Variants in PKP4 observed in about 807,000 individuals in gnomAD.
PKP4 encodes the protein plakophilin-4.
Under a neutral mutation model 145.1 loss-of-function variants are expected in PKP4, and 90 were observed. The ratio of observed to expected loss-of-function variants is 0.62; its 90% CI spans 0.52 to 0.74. PKP4 has a LOEUF of 0.74. PKP4 is among the 30% of genes least tolerant of loss of function. The pLI, the probability that PKP4 is intolerant of heterozygous loss-of-function variation, is 0.00. For missense variants in PKP4, 1,340 were observed against 1,482.7 expected (o/e 0.90, Z 1.58); for synonymous variants, 563 against 577.2 (o/e 0.98, Z 0.35).
chr2:158,538,956 A>C (rs2044295843), intron 2 of PKP4, among the ~76,000 whole-genome samples: 1 of 152,216 alleles, frequency 6.6e-6, no homozygotes, highest in Non-Finnish European at 1.5e-5. Flanking sequence ...GATTTGGTAA[A>C]ATATGCTAAT....
At chr2:158,592,148 CT>C (rs965712527) in intron 3 of PKP4, among the ~76,000 whole-genome samples, 13 of 151,954 alleles carry the variant, frequency 8.6e-5, no homozygotes, top group African/African-American at 2.9e-4. Context: ...CTTTTTTCTG[CT>C]TCATTCCCCT....
At chr2:158,565,027 G>T (rs1173617464) in intron 2 of PKP4, among the ~76,000 whole-genome samples, 2 of 152,182 alleles carry the variant, frequency 1.3e-5, no homozygotes, top group Non-Finnish European at 1.5e-5. Context: ...ATAATGGAAA[G>T]AGCAAGAATT....
At chr2:158,512,950 G>C (rs967325263) in intron 1 of PKP4, among the ~76,000 whole-genome samples, 1 of 152,202 alleles carries the variant, frequency 6.6e-6, no homozygotes, top group Non-Finnish European at 1.5e-5. Context: ...TCTTGTCAAA[G>C]GTGAAGATGT....
At chr2:158,457,289 C>A (rs926880312) in intron 1 of PKP4, 71 bp downstream of exon 1, 3 of 151,618 alleles carry the variant, frequency 2.0e-5, no homozygotes, top group African/African-American at 4.8e-5. Context: ...GCCCCGAACA[C>A]GCGCCAGGGC....
chr2:158,666,583 T>A lies in PKP4; in HGVS notation c.2728+20T>A. ...TCATAGGTATGTTCTGGTGACAAGATGAGCTGTAAATGTGAGAGCAGCTAC... is the reference window on the plus strand; with the variant it reads ...TCATAGGTATGTTCTGGTGACAAGAAGAGCTGTAAATGTGAGAGCAGCTAC... On this transcript the variant is annotated intron_variant, in intron 16 of 21. Coordinates refer to ENST00000389759, the MANE Select transcript of PKP4 (RefSeq NM_003628.6). 1.3e-6 allele frequency: 2 copies of A among 1,584,146 alleles called. No homozygotes were observed. Among genetic ancestry groups the A allele is most frequent in the South Asian group, 1.2e-5 (1 of 85,020 alleles).
intron 6 of PKP4, among the ~76,000 whole-genome samples, chr2:158,622,764 G>T (rs147986920): frequency 2.0e-5 from 3 of 152,288 alleles, no homozygotes; most frequent in African/African-American, 7.2e-5. Context: ...TGCACCCCAA[G>T]TCCTCAGATT....
intron 1 of PKP4, among the ~76,000 whole-genome samples, chr2:158,500,335 T>A (rs987391428): frequency 2.0e-5 from 3 of 152,190 alleles, no homozygotes; most frequent in South Asian, 2.1e-4. Flanking sequence ...TCAAGGTTTA[T>A]TATTAAGTGT....
intron 2 of PKP4, among the ~76,000 whole-genome samples, chr2:158,550,766 G>C (rs1250625137): frequency 6.6e-6 from 1 of 152,166 alleles, no homozygotes; most frequent in Non-Finnish European, 1.5e-5. Context: ...GTGCAGGATT[G>C]GACATTTATT....
intron 1 of PKP4, among the ~76,000 whole-genome samples, chr2:158,490,255 C>T (rs1382599302): frequency 3.3e-5 from 5 of 151,306 alleles, no homozygotes; most frequent in East Asian, 1.9e-4. Context: ...GCAAATTGAA[C>T]GTGTCGATGC....
intron 4 of PKP4, among the ~76,000 whole-genome samples, chr2:158,617,707 CTG>C (rs2051778995): frequency 6.6e-6 from 1 of 152,148 alleles, no homozygotes; most frequent in Non-Finnish European, 1.5e-5. Context: ...GATATGATGT[CTG>C]TGCATATATA....
At chr2:158,559,012 G>A (rs1005439359) in intron 2 of PKP4, among the ~76,000 whole-genome samples, 13 of 152,194 alleles carry the variant, frequency 8.5e-5, no homozygotes, top group African/African-American at 2.9e-4. Flanking sequence ...CACCTGGTAT[G>A]TAGGATGTTG....
chr2:158,549,109 G>T, intron 2 of PKP4: 1 of 199,478 alleles, frequency 5.0e-6, no homozygotes, highest in South Asian at 1.0e-4. Context: ...TACAATGATA[G>T]ATATGATGAG....
chr2:158,488,825 G>A (rs1191519955), intron 1 of PKP4, among the ~76,000 whole-genome samples: 1 of 152,188 alleles, frequency 6.6e-6, no homozygotes, highest in Non-Finnish European at 1.5e-5. Flanking sequence ...AAAGAGCTTA[G>A]AATTCACTCC....
chr2:158,460,722 G>C (rs184134201), intron 1 of PKP4, among the ~76,000 whole-genome samples: 1 of 152,224 alleles, frequency 6.6e-6, no homozygotes, highest in East Asian at 1.9e-4. Context: ...GTTACTATAG[G>C]GTTATTTTAG....
chr2:158,465,459 A>G (rs914854433), intron 1 of PKP4, among the ~76,000 whole-genome samples: 7 of 152,342 alleles, frequency 4.6e-5, no homozygotes, highest in African/African-American at 1.4e-4. Context: ...AATCATAATG[A>G]CAATACATGA....
intron 1 of PKP4, among the ~76,000 whole-genome samples, chr2:158,476,887 T>C (rs999562482): frequency 6.6e-6 from 1 of 152,162 alleles, no homozygotes; most frequent in Non-Finnish European, 1.5e-5. Flanking sequence ...TCTAAGCCTC[T>C]GCATGTACAT....
At chr2:158,483,282 A>G (rs1693638097) in intron 1 of PKP4, among the ~76,000 whole-genome samples, 2 of 151,248 alleles carry the variant, frequency 1.3e-5, no homozygotes, top group Admixed American at 1.3e-4. Context: ...AAGACTCCCC[A>G]ATTTCTAATG....
At chr2:158,546,227 T>C (rs922413103) in intron 2 of PKP4, among the ~76,000 whole-genome samples, 2 of 152,244 alleles carry the variant, frequency 1.3e-5, no homozygotes, top group African/African-American at 2.4e-5. Context: ...TTAGATTCTT[T>C]TGCCATATGT....
chr2:158,482,993 G>T (rs1347789564), intron 1 of PKP4, among the ~76,000 whole-genome samples: 2 of 152,140 alleles, frequency 1.3e-5, no homozygotes, highest in East Asian at 1.9e-4. Flanking sequence ...TATCCATCCA[G>T]TGTGGAAATA....
Sources: gnomAD v4.1 joint callset for allele counts (sites outside exome capture counted in the v4.1 genomes callset) on GRCh38, gnomAD v4.1.1 for gene constraint, MANE v1.5 for transcripts, NCBI Gene and HGNC (gene_info 2026-07-23, HGNC 2026-07-21) for gene names.